Variants in BACH1 observed in about 807,000 individuals in gnomAD.
BACH1 encodes the protein BTB domain and CNC homolog 1, also known as transcription regulator protein BACH1.
BACH1 carries 35 observed loss-of-function variants against 52.9 expected under a neutral mutation model. The ratio of observed to expected loss-of-function variants is 0.66; its 90% confidence interval spans 0.51 to 0.88. The LOEUF is 0.88. BACH1 is among the 40% of genes least tolerant of loss of function. The pLI, the probability that BACH1 is intolerant of heterozygous loss-of-function variation, is 0.00. For missense variants in BACH1, 808 were observed against 872.6 expected, an observed-to-expected ratio of 0.93 and a Z score of 0.93; for synonymous variants, 321 against 319.6, an observed-to-expected ratio of 1.00 and a Z score of -0.05.
chr21:29,300,551 G>A (rs1469831044), intron 1 of BACH1, among the ~76,000 whole-genome samples: 3 of 152,198 alleles, frequency 2.0e-5, no homozygotes, highest in African/African-American at 7.2e-5. Flanking sequence ...CTCGTGACCT[G>A]CTGTCTGAGA....
chr21:29,300,719 CT>C (rs1364696292), intron 1 of BACH1: 3 of 152,120 alleles, frequency 2.0e-5, no homozygotes, highest in Non-Finnish European at 1.5e-5. Context: ...AAGCAGTGAG[CT>C]TAATTTGTGC....
At chr21:29,299,859 T>C (rs1289934925) in intron 1 of BACH1, 3 of 152,214 alleles carry the variant, frequency 2.0e-5, no homozygotes, top group Non-Finnish European at 4.4e-5. Flanking sequence ...TAGGATGCTT[T>C]GCTTTTTGGA....
At position 29,354,070 on chromosome 21, in the gene BACH1, A is replaced by G. The variant is rs892820746; in HGVS notation, c.472+24377A>G. ...CATGGTCAACCAATGGAGCTCTAAAAGATGAGCGGGAAGCTGGGTGAAGAG... is the reference window on the plus strand; with the variant it reads ...CATGGTCAACCAATGGAGCTCTAAAGGATGAGCGGGAAGCTGGGTGAAGAG... On this transcript the variant is annotated intron_variant, in intron 2 of 4. Transcript: ENST00000422809. Among the ~76,000 whole-genome samples the G allele has an allele frequency of 2.0e-5, 3 of 152,250 alleles. 1 individual carries two copies. The highest frequency in any genetic ancestry group is 4.4e-5 in the Non-Finnish European group (3 of 68,052).
At chr21:29,312,520 T>A (rs2088737589) in intron 1 of BACH1, among the ~76,000 whole-genome samples, 1 of 152,192 alleles carries the variant, frequency 6.6e-6, no homozygotes. Context: ...TAGAAAATCC[T>A]ATGGAATCCA....
chr21:29,310,219 G>A (rs563100652), intron 1 of BACH1, among the ~76,000 whole-genome samples: 104 of 152,280 alleles, frequency 6.8e-4, no homozygotes, highest in African/African-American at 2.4e-3. Context: ...GAGATTTCAC[G>A]ACAATCAAAA....
At chr21:29,342,044 A>C (rs1412860426) in intron 4 of BACH1, among the ~76,000 whole-genome samples, 1 of 152,184 alleles carries the variant, frequency 6.6e-6, no homozygotes, top group East Asian at 1.9e-4. Context: ...TTGACATTAG[A>C]CTACATAGTC....
rs947872333 is a variant in BACH1, at chr21:29,342,705, G to A, written c.2083G>A (p.Gly695Arg). The A allele has an allele frequency of 1.2e-6, 2 of 1,614,200 alleles. No individual in the cohort carries two copies. The highest frequency in any genetic ancestry group is 3.3e-5 in the Admixed American group (2 of 60,030). The change falls in exon 5 of 5, where the codon GGG becomes AGG. Residue 695 changes from glycine (G) to arginine (R), a missense_variant. Gly to Arg is a moderately radical substitution (Grantham distance 125). Transcript: ENST00000286800. ...RGNSEPGYAR[G>R]QESQQMSTAT... ...AAACAGTGAGCCTGGCTACGCGCGA[G>A]GGCAGGAGTCCCAGCAGATGTCCAC...
At chr21:29,335,229 C>A (rs2089030657) in intron 4 of BACH1, among the ~76,000 whole-genome samples, 1 of 152,136 alleles carries the variant, frequency 6.6e-6, no homozygotes, top group African/African-American at 2.4e-5. Flanking sequence ...CCTCCAGTAC[C>A]CACATTCCCC....
At chr21:29,329,350 A>C in intron 3 of BACH1, 137 bp from the exon 4 acceptor site, 1 of 626,542 alleles carries the variant, frequency 1.6e-6, no homozygotes, top group Non-Finnish European at 2.5e-6. Context: ...ATTGTATAGA[A>C]ATTGGGATAG....
intron 1 of BACH1, among the ~76,000 whole-genome samples, chr21:29,310,120 A>G (rs756218042): frequency 6.6e-6 from 1 of 152,348 alleles, no homozygotes; most frequent in Middle Eastern, 3.4e-3. Flanking sequence ...GAGCCCATCA[A>G]CTTATCATGT....
intron 2 of BACH1, chr21:29,361,060 G>A (rs879574224): frequency 3.9e-5 from 6 of 152,218 alleles, no homozygotes; most frequent in East Asian, 1.9e-4. Flanking sequence ...CAGGAGATGC[G>A]TTTGGTCTGT....
At chr21:29,324,556 TTGTGTGTGTGTGTGTGTG>T (rs59785894) in intron 2 of BACH1, among the ~76,000 whole-genome samples, 75,094 of 145,286 alleles carry the variant, frequency 0.52, 19,358 homozygotes, top group South Asian at 0.64. Context: ...TGGATGTACC[TTGTGTGTGTGTGTGTGTG>T]TGTGTGTGTG....
chr21:29,338,542 T>C (rs556343877), intron 4 of BACH1, among the ~76,000 whole-genome samples: 2 of 152,102 alleles, frequency 1.3e-5, no homozygotes, highest in East Asian at 3.9e-4. Context: ...GCCCGGGTAA[T>C]TTTTTTGTGA....
At chr21:29,358,736 T>C (rs141526845) in intron 2 of BACH1, among the ~76,000 whole-genome samples, 3 of 100,828 alleles carry the variant, frequency 3.0e-5, no homozygotes, top group African/African-American at 1.2e-4. Context: ...TGAGACTCTG[T>C]CTCAGAAAAA....
rs988460624 is a variant in BACH1, at chr21:29,343,118, A to G, written c.*285A>G. 4 of 227,480 alleles carry G rather than the reference A, an allele frequency of 1.8e-5. No homozygotes were observed. Among genetic ancestry groups the G allele is most frequent in the East Asian group, 9.2e-5 (1 of 10,922 alleles). 14.1% of individuals were successfully genotyped at this position (227,480 alleles called of 1,614,324 possible). On this transcript the variant is annotated 3_prime_UTR_variant, in exon 5 of 5. Transcript: ENST00000286800. The stretch of plus-strand genomic sequence containing the variant: ...AACTCTAGTAATAACTCTTCCTGCT[A>G]TTCAGAATAAGTAGGAGAATGAAAA...
At chr21:29,316,820 G>A (rs892325714) in intron 1 of BACH1, among the ~76,000 whole-genome samples, 14 of 152,192 alleles carry the variant, frequency 9.2e-5, no homozygotes, top group Non-Finnish European at 1.9e-4. Flanking sequence ...GTTGTTGCAG[G>A]TATGTCTTTG....
chr21:29,326,043 T>G lies in BACH1; in HGVS notation c.235-16T>G. On this transcript the variant is annotated splice_polypyrimidine_tract_variant and intron_variant, in intron 2 of 4. Transcript: ENST00000286800. ...CTTTCAAATGATGTGTTTGTTTTTA[T>G]TTTGTGTATCAACAGGTGACAGTTA... 1 of 1,572,092 alleles carries G rather than the reference T, an allele frequency of 6.4e-7. No individual in the cohort carries two copies. The highest frequency in any genetic ancestry group is 8.6e-7 in the Non-Finnish European group (1 of 1,162,208).
chr21:29,353,034 AGATGGGGTTTCACT>A (rs1488328854), intron 2 of BACH1, among the ~76,000 whole-genome samples: 1 of 152,026 alleles, frequency 6.6e-6, no homozygotes, highest in East Asian at 1.9e-4. Flanking sequence ...TTTTTAGTAG[AGATGGGGTTTCACT>A]ATGTTTGCCA....
At position 29,342,120 on chromosome 21, in the gene BACH1, G is replaced by A. The variant is rs114779770; in HGVS notation, c.1777-279G>A. 4.4e-3 allele frequency among the ~76,000 whole-genome samples: 670 copies of A among 152,272 alleles called. 7 individuals carry two copies. The highest frequency in any genetic ancestry group is 0.015 in the African/African-American group (606 of 41,544). On this transcript the variant is annotated intron_variant, in intron 4 of 4. Coordinates refer to ENST00000286800, the MANE Select transcript of BACH1 (RefSeq NM_001186.4). ...CCTAGAAATGTAAAGATAGTTGATA[G>A]GGAAGTGCTGCCCCAGGCCTGCTAG...
Sources: allele counts gnomAD v4.1 joint callset (sites outside exome capture counted in the v4.1 genomes callset), GRCh38; gene constraint gnomAD v4.1.1; transcripts MANE v1.5; gene names NCBI Gene and HGNC (gene_info 2026-07-23, HGNC 2026-07-21).